ENDOV: variants seen among roughly 807,000 people sequenced by gnomAD.
The protein encoded by ENDOV is hEndoV.
In ENDOV, 37 loss-of-function variants were observed where a neutral mutation model predicts 39.4. The ratio of observed to expected loss-of-function variants is 0.94; its 90% CI spans 0.72 to 1.23. The LOEUF (loss-of-function observed/expected upper bound fraction) is 1.23. Among genes scored for constraint, ENDOV ranks in the 50% most tolerant of loss-of-function variants. ENDOV has a pLI of 0.00. For synonymous variants in ENDOV, 186 were observed against 163.4 expected (o/e 1.14, Z -1.05); for missense variants, 441 against 375.7 (o/e 1.17, Z -1.44).
intron 7 of ENDOV, chr17:80,427,812 G>A: frequency 7.8e-7 from 1 of 1,288,368 alleles, no homozygotes; most frequent in South Asian, 1.2e-5. Flanking sequence ...CCAGGTCCAG[G>A]CTCTCCTGCC....
intron 9 of ENDOV, among the ~76,000 whole-genome samples, chr17:80,433,382 G>A (rs953309919): frequency 2.6e-5 from 4 of 152,222 alleles, no homozygotes; most frequent in South Asian, 2.1e-4. Flanking sequence ...CCGTCAGTCC[G>A]CCATGCTGTG....
chr17:80,423,475 C>G, intron 4 of ENDOV, 45 bp from the exon 5 acceptor site: 94 of 1,341,962 alleles, frequency 7.0e-5, no homozygotes, highest in Non-Finnish European at 8.7e-5. Context: ...CTGTGCCAGG[C>G]CCCAGCCCCA....
In ENDOV at chr17:80,428,522, G is replaced by A. The variant is rs922467278; in HGVS notation, c.715-74G>A. On this transcript the variant is annotated intron_variant, in intron 7 of 9. Coordinates refer to ENST00000518137, the MANE Select transcript of ENDOV (RefSeq NM_173627.5). ...GGCTTCTGTGGGGGATGGAGGCATT[G>A]CCAGCAGCAGCTCCTGGTGGGAAAC... is the stretch of plus-strand genomic sequence containing the variant. The A allele has an allele frequency of 2.8e-6, 4 of 1,429,444 alleles. No homozygotes were observed. The African/African-American group carries it at 5.7e-5, about 20-fold the overall frequency. The allele number at this position is 1,429,444 out of a possible 1,614,324, so 88.5% of individuals were successfully genotyped here.
At chr17:80,423,494 A>AC (rs2082316016) in intron 4 of ENDOV, 26 bp from the exon 5 acceptor site, 16 of 1,514,096 alleles carry the variant, frequency 1.1e-5, no homozygotes, top group Admixed American at 2.0e-5. Flanking sequence ...CACCTCCCCA[A>AC]CCCCACCCTC....
intron 9 of ENDOV, among the ~76,000 whole-genome samples, chr17:80,431,334 G>A (rs1292856262): frequency 6.6e-6 from 1 of 152,232 alleles, no homozygotes; most frequent in Non-Finnish European, 1.5e-5. Flanking sequence ...GGGCTGGGCT[G>A]CAGGGGCAGA....
chr17:80,423,015 TTTACTG>T (rs1478943548), intron 4 of ENDOV, among the ~76,000 whole-genome samples: 3 of 142,498 alleles, frequency 2.1e-5, no homozygotes, highest in Non-Finnish European at 3.2e-5. Context: ...GATGGGCTCT[TTTACTG>T]TTACATACAG....
rs775632823 is a variant in ENDOV, at chr17:80,429,914, C to G, written c.838+83C>G. 12 of 1,608,592 alleles carry G rather than the reference C, an allele frequency of 7.5e-6. No homozygotes were observed. The East Asian group carries it at 2.7e-4, about 36-fold the overall frequency. Reference sequence around the variant, plus strand: ...GCTCCCAGGAGCAGGCGGGCAAGGACTGGCAGTAGGGTGGAACTGGGCACC... The same window carrying G: ...GCTCCCAGGAGCAGGCGGGCAAGGAGTGGCAGTAGGGTGGAACTGGGCACC... On this transcript the variant is annotated intron_variant, in intron 9 of 9. Transcript: ENST00000518137.
chr17:80,424,722 G>A (rs10445410), intron 5 of ENDOV, among the ~76,000 whole-genome samples: 13,519 of 152,230 alleles, frequency 0.089, 671 homozygotes, highest in Middle Eastern at 0.14. Flanking sequence ...TTGGGAGGCC[G>A]AAGTGGGTGG....
chr17:80,415,480 T>A, intron 1 of ENDOV, 170 bp from the exon 2 acceptor site: 1 of 1,054,004 alleles, frequency 9.5e-7, no homozygotes, highest in Non-Finnish European at 1.4e-6. Flanking sequence ...CTTGCGCGGG[T>A]CTCCGCCGCC....
intron 4 of ENDOV, among the ~76,000 whole-genome samples, chr17:80,422,696 G>A (rs557041984): frequency 2.0e-5 from 3 of 152,186 alleles, no homozygotes; most frequent in Admixed American, 6.5e-5. Context: ...CGTGGCTGAG[G>A]GAGATGGGCT....
At chr17:80,425,709 G>A (rs912594856) in intron 7 of ENDOV, 89 bp downstream of exon 7, 7 of 1,522,558 alleles carry the variant, frequency 4.6e-6, no homozygotes, top group African/African-American at 2.8e-5. Context: ...CTCAGCTGGG[G>A]TCAGAGTGCA....
intron 3 of ENDOV, 75 bp downstream of exon 3, chr17:80,422,037 C>T (rs2082109585): frequency 2.5e-6 from 4 of 1,579,624 alleles, no homozygotes; most frequent in African/African-American, 1.3e-5. Context: ...TGCAGGTCGC[C>T]ACCACCACAG....
At position 80,415,225 on chromosome 17, in the gene ENDOV, G is replaced by C; in HGVS notation, c.31G>C (p.Glu11Gln). MALEAAGGPP[E>Q]ETLSLWKREQ... ...CCTGGAGGCGGCGGGAGGGCCGCCG[G>C]AGGAAACGCTGTCACTGTGGAAACG... The change falls in exon 1 of 10, where the codon GAG (glutamate) becomes CAG (glutamine). Residue 11 changes from glutamate to glutamine, a missense_variant. Glu to Gln is a conservative substitution (Grantham distance 29). Coordinates refer to ENST00000518137, the MANE Select transcript of ENDOV (RefSeq NM_173627.5). 3 of 1,613,450 alleles carry C rather than the reference G, an allele frequency of 1.9e-6. No homozygotes were observed. Among genetic ancestry groups the C allele is most frequent in the Non-Finnish European group, 2.5e-6 (3 of 1,179,736 alleles).
intron 8 of ENDOV, 107 bp from the exon 9 acceptor site, chr17:80,429,666 C>A: frequency 1.9e-6 from 2 of 1,080,054 alleles, no homozygotes; most frequent in Non-Finnish European, 1.3e-6. Context: ...TGTAGCAGGT[C>A]CTGAGTGTCC....
intron 6 of ENDOV, 104 bp from the exon 7 acceptor site, chr17:80,425,388 C>G: frequency 6.8e-7 from 1 of 1,478,196 alleles, no homozygotes; most frequent in African/African-American, 1.4e-5. Flanking sequence ...TCAGCTTCCC[C>G]CTTGCCCCCA....
chr17:80,421,069 A>AG (rs1282526124), intron 2 of ENDOV, among the ~76,000 whole-genome samples: 1 of 152,142 alleles, frequency 6.6e-6, no homozygotes, highest in Non-Finnish European at 1.5e-5. Flanking sequence ...CAGGAAAGCA[A>AG]GGGGCAGGCA....
At chr17:80,432,172 G>A (rs2083369807) in intron 9 of ENDOV, among the ~76,000 whole-genome samples, 1 of 152,160 alleles carries the variant, frequency 6.6e-6, no homozygotes, top group Non-Finnish European at 1.5e-5. Context: ...CCGGGAACAT[G>A]AACACCTGCT....
chr17:80,434,125 T>G (rs547571913), intron 9 of ENDOV, among the ~76,000 whole-genome samples: 7 of 152,338 alleles, frequency 4.6e-5, no homozygotes, highest in Admixed American at 6.5e-5. Context: ...AGGCCTGTTG[T>G]GGGCACCATG....
chr17:80,416,655 TA>T (rs1020357354), intron 2 of ENDOV, among the ~76,000 whole-genome samples: 5 of 152,114 alleles, frequency 3.3e-5, no homozygotes, highest in Non-Finnish European at 7.4e-5. Flanking sequence ...CCAATTTTCC[TA>T]AAAAGCAAGT....
Sources: allele counts gnomAD v4.1 joint callset (sites outside exome capture counted in the v4.1 genomes callset), GRCh38; gene constraint gnomAD v4.1.1; transcripts MANE v1.5; gene names NCBI Gene and HGNC (gene_info 2026-07-23, HGNC 2026-07-21).